The following CHRDL1 variants were observed in gnomAD, a reference collection of about 807,000 sequenced individuals.
CHRDL1 encodes the protein chordin-like protein 1.
Under a neutral mutation model 40.9 loss-of-function variants are expected in CHRDL1, and 19 were observed. That is an observed-to-expected ratio of 0.46 (90% CI 0.32 to 0.68). CHRDL1 has a LOEUF of 0.68. CHRDL1 is among the 30% of genes least tolerant of loss of function. CHRDL1 has a pLI of 0.03. For missense variants in CHRDL1, 329 were observed against 352.1 expected (o/e 0.93, Z 0.53); for synonymous variants, 136 against 123.4 (o/e 1.10, Z -0.68).
At chrX:110,734,723 T>C (rs772310187) in intron 4 of CHRDL1, among the ~76,000 whole-genome samples, 20 of 112,147 alleles carry the variant, frequency 1.8e-4, no homozygotes, top group Non-Finnish European at 3.6e-4. Context: ...AATCCCTCTG[T>C]TTTCAGAGGC....
At chrX:110,697,812 C>T (rs1458987069) in intron 7 of CHRDL1, among the ~76,000 whole-genome samples, 2 of 68,097 alleles carry the variant, frequency 2.9e-5, no homozygotes, top group African/African-American at 4.8e-5. Flanking sequence ...TACCACACCA[C>T]TCCACACACA....
At chrX:110,728,904 G>A (rs56398782) in intron 4 of CHRDL1, among the ~76,000 whole-genome samples, 2 of 111,559 alleles carry the variant, frequency 1.8e-5, no homozygotes, top group East Asian at 2.8e-4. Flanking sequence ...GGGAGGCGAC[G>A]GCAGTGGATC....
At chrX:110,770,239 TAG>T (rs1180749747) in intron 2 of CHRDL1, among the ~76,000 whole-genome samples, 1 of 112,150 alleles carries the variant, frequency 8.9e-6, no homozygotes, top group African/African-American at 3.2e-5. Context: ...CTATAAAATA[TAG>T]AGTGTTATTT....
intron 6 of CHRDL1, among the ~76,000 whole-genome samples, chrX:110,715,960 A>G (rs191527728): frequency 6.7e-4 from 76 of 112,613 alleles, no homozygotes; most frequent in African/African-American, 2.2e-3. Context: ...ACACACACAC[A>G]TTGTGAGAAA....
intron 3 of CHRDL1, among the ~76,000 whole-genome samples, chrX:110,761,598 T>C (rs181919112): frequency 1.3e-4 from 15 of 112,032 alleles, no homozygotes; most frequent in African/African-American, 4.5e-4. Context: ...TCTGGAGACA[T>C]TTTTGGTTAT....
intron 2 of CHRDL1, among the ~76,000 whole-genome samples, chrX:110,791,071 C>A (rs189749904): frequency 9.1e-6 from 1 of 110,343 alleles, no homozygotes; most frequent in African/African-American, 3.3e-5. Flanking sequence ...TGTCAGCAAG[C>A]CTTCTGCCTG....
chrX:110,786,813 T>C (rs1285872952), intron 2 of CHRDL1, among the ~76,000 whole-genome samples: 1 of 112,417 alleles, frequency 8.9e-6, no homozygotes, highest in Non-Finnish European at 1.9e-5. Flanking sequence ...TCTCAGTCTT[T>C]TAACTCCCAA....
chrX:110,764,530 T>C (rs747666813), intron 2 of CHRDL1, among the ~76,000 whole-genome samples: 2 of 112,274 alleles, frequency 1.8e-5, no homozygotes, highest in African/African-American at 6.5e-5. Flanking sequence ...ATGATAATTG[T>C]GTTAACTGTA....
At chrX:110,773,475 T>A (rs2089794069) in intron 2 of CHRDL1, among the ~76,000 whole-genome samples, 1 of 111,235 alleles carries the variant, frequency 9.0e-6, no homozygotes, top group Admixed American at 9.6e-5. Context: ...ACGCCTGTAA[T>A]CCCAGCACTT....
chrX:110,752,806 A>T (rs1215262081), intron 4 of CHRDL1, among the ~76,000 whole-genome samples: 2 of 111,250 alleles, frequency 1.8e-5, no homozygotes, highest in East Asian at 5.6e-4. Flanking sequence ...AAAGGAATTG[A>T]TCTGTTTTGA....
chrX:110,705,281 C>CTA (rs10551964), intron 6 of CHRDL1, among the ~76,000 whole-genome samples: 1,193 of 76,761 alleles, frequency 0.016, 16 homozygotes, highest in South Asian at 0.06. Flanking sequence ...GTAATGGAGA[C>CTA]TATATATATA....
intron 2 of CHRDL1, among the ~76,000 whole-genome samples, chrX:110,775,087 AAAGGAGACCC>A (rs2089831105): frequency 8.9e-6 from 1 of 111,917 alleles, no homozygotes; most frequent in Non-Finnish European, 1.9e-5. Flanking sequence ...ATTCTTTTCA[AAAGGAGACCC>A]AAGACACTTG....
intron 4 of CHRDL1, among the ~76,000 whole-genome samples, chrX:110,759,022 G>C (rs1286401273): frequency 8.9e-6 from 1 of 111,906 alleles, no homozygotes; most frequent in African/African-American, 3.2e-5. Context: ...AGTCAGACAT[G>C]AACAAAGTGT....
At chrX:110,792,586 A>G (rs777574316) in intron 1 of CHRDL1, among the ~76,000 whole-genome samples, 1 of 112,371 alleles carries the variant, frequency 8.9e-6, no homozygotes, top group African/African-American at 3.2e-5. Flanking sequence ...ATTTTAGCAA[A>G]CAAGGTAAAA....
chrX:110,785,944 T>C (rs1254322901), intron 2 of CHRDL1, among the ~76,000 whole-genome samples: 1 of 112,473 alleles, frequency 8.9e-6, no homozygotes, highest in East Asian at 2.8e-4. Context: ...ATTTCCTTAC[T>C]GCTTATAGAA....
intron 6 of CHRDL1, among the ~76,000 whole-genome samples, chrX:110,708,809 C>T (rs967711021): frequency 1.8e-5 from 2 of 111,666 alleles, no homozygotes; most frequent in African/African-American, 6.5e-5. Flanking sequence ...TGTGGCTAAA[C>T]AGATCCAAGT....
chrX:110,715,785 A>G (rs1243502716), intron 6 of CHRDL1, among the ~76,000 whole-genome samples: 1 of 112,496 alleles, frequency 8.9e-6, no homozygotes, highest in Non-Finnish European at 1.9e-5. Flanking sequence ...GATTATAGTG[A>G]CCAACTGGTT....
rs773449585 is a variant in CHRDL1, at chrX:110,784,381, T to C, written c.94+7707A>G. ...ATTCAGAAGTTAATTAGCTTTTTCC[T>C]ACTTGCTGGATCACCTGCCCAAAAT... On this transcript the variant is annotated intron_variant, in intron 2 of 11. Coordinates refer to ENST00000372042, the MANE Select transcript of CHRDL1 (RefSeq NM_001143981.2). Among the ~76,000 whole-genome samples the C allele has an allele frequency of 2.7e-5, 3 of 112,040 alleles. No homozygotes were observed. In the South Asian group the frequency reaches 1.1e-3, roughly 42 times the overall value.
At chrX:110,764,298 G>C (rs1248380730) in intron 2 of CHRDL1, among the ~76,000 whole-genome samples, 6 of 111,714 alleles carry the variant, frequency 5.4e-5, no homozygotes, top group Non-Finnish European at 5.6e-5. Context: ...TGGGTTTTTG[G>C]TCATGAAATC....
Sources: allele counts gnomAD v4.1 joint callset (sites outside exome capture counted in the v4.1 genomes callset), GRCh38; gene constraint gnomAD v4.1.1; transcripts MANE v1.5; gene names NCBI Gene and HGNC (gene_info 2026-07-23, HGNC 2026-07-21).